Variants in AGMO observed in about 807,000 individuals in gnomAD.
The protein encoded by AGMO is alkylglycerol monooxygenase.
A neutral mutation model predicts 60.2 loss-of-function variants in AGMO; 75 were observed. That is an observed-to-expected ratio of 1.25 (90% CI 1.03 to 1.51). AGMO has a LOEUF of 1.51. Among genes scored for constraint, AGMO ranks in the 40% most tolerant of loss-of-function variants. The pLI is 0.00. For synonymous variants in AGMO, 261 were observed against 177.1 expected, an observed-to-expected ratio of 1.47 and a Z score of -3.76; for missense variants, 763 against 525.5, an observed-to-expected ratio of 1.45 and a Z score of -4.42.
chr7:15,152,553 C>T, the AGMO span, among the ~76,000 whole-genome samples: 1 of 152,076 alleles, frequency 6.6e-6, no homozygotes, highest in Admixed American at 6.6e-5. Context: ...GTCTTTTCAT[C>T]CTCATAGCTT....
chr7:15,226,648 T>C (rs1432490534), intron 12 of AGMO, among the ~76,000 whole-genome samples: 1 of 152,074 alleles, frequency 6.6e-6, no homozygotes, highest in Non-Finnish European at 1.5e-5. Context: ...ACCTTTATTA[T>C]TAACCCTGAA....
intron 12 of AGMO, among the ~76,000 whole-genome samples, chr7:15,262,052 A>G (rs1465433210): frequency 1.3e-5 from 2 of 152,074 alleles, no homozygotes; most frequent in Non-Finnish European, 2.9e-5. Flanking sequence ...TGAATGGAGA[A>G]AAGTTGAAAG....
chr7:15,480,543 T>C (rs1782721799), intron 3 of AGMO, among the ~76,000 whole-genome samples: 1 of 152,122 alleles, frequency 6.6e-6, no homozygotes. Context: ...ATATTTAGGG[T>C]GAGGGTTTTG....
At chr7:15,330,112 A>T (rs973323007) in intron 12 of AGMO, among the ~76,000 whole-genome samples, 4 of 152,108 alleles carry the variant, frequency 2.6e-5, no homozygotes, top group Non-Finnish European at 5.9e-5. Flanking sequence ...GATTTCTTAA[A>T]AGTTTTTGAG....
the AGMO span, among the ~76,000 whole-genome samples, chr7:15,181,010 C>G: frequency 6.6e-6 from 1 of 152,070 alleles, no homozygotes; most frequent in African/African-American, 2.4e-5. Context: ...TGTAAAGCCC[C>G]TCTCCTGTGA....
chr7:15,373,775 G>T (rs1211975033), intron 10 of AGMO, among the ~76,000 whole-genome samples: 1 of 152,146 alleles, frequency 6.6e-6, no homozygotes, highest in Non-Finnish European at 1.5e-5. Flanking sequence ...TAAGGCTTTA[G>T]AAATGAAAAT....
chr7:15,363,109 T>C (rs1782827925), intron 12 of AGMO, among the ~76,000 whole-genome samples: 1 of 152,210 alleles, frequency 6.6e-6, no homozygotes, highest in Non-Finnish European at 1.5e-5. Context: ...AAGAGCTCAA[T>C]GCATGTTAGC....
chr7:15,251,426 G>A (rs1461554763), intron 12 of AGMO, among the ~76,000 whole-genome samples: 2 of 152,190 alleles, frequency 1.3e-5, no homozygotes, highest in Non-Finnish European at 2.9e-5. Context: ...AAGCCAAAGA[G>A]GGGAGAGTAA....
intron 12 of AGMO, among the ~76,000 whole-genome samples, chr7:15,352,482 GGAA>G (rs1177853924): frequency 6.7e-6 from 1 of 150,312 alleles, no homozygotes; most frequent in East Asian, 1.9e-4. Flanking sequence ...AGGGTGCAAA[GGAA>G]GAATAATGAG....
the AGMO span, among the ~76,000 whole-genome samples, chr7:15,142,004 T>C: frequency 6.6e-6 from 1 of 152,160 alleles, no homozygotes; most frequent in Non-Finnish European, 1.5e-5. Flanking sequence ...AGGCTTAACC[T>C]TTTGCTAATT....
chr7:15,370,828 A>G (rs1783179477), intron 10 of AGMO, among the ~76,000 whole-genome samples: 1 of 151,558 alleles, frequency 6.6e-6, no homozygotes, highest in African/African-American at 2.4e-5. Context: ...ATTTTCTCCC[A>G]TTCTGTAGAC....
intron 12 of AGMO, among the ~76,000 whole-genome samples, chr7:15,344,915 T>G (rs759868464): frequency 6.6e-6 from 1 of 152,184 alleles, no homozygotes; most frequent in Non-Finnish European, 1.5e-5. Flanking sequence ...CTGTGGAGAC[T>G]GTTGTTTTCT....
chr7:15,320,219 A>G (rs1781066754), intron 12 of AGMO, among the ~76,000 whole-genome samples: 1 of 152,124 alleles, frequency 6.6e-6, no homozygotes, highest in East Asian at 1.9e-4. Flanking sequence ...TATGTAACAA[A>G]CCTGCACGTT....
the AGMO span, among the ~76,000 whole-genome samples, chr7:15,151,279 T>C: frequency 6.6e-6 from 1 of 152,164 alleles, no homozygotes; most frequent in East Asian, 1.9e-4. Context: ...AACAAACTTT[T>C]CGTTTCAGTG....
intron 12 of AGMO, among the ~76,000 whole-genome samples, chr7:15,351,395 G>A (rs1425348557): frequency 2.0e-5 from 3 of 152,108 alleles, no homozygotes; most frequent in African/African-American, 7.2e-5. Context: ...AGTTCAGGAA[G>A]CTAAACCCCT....
intron 12 of AGMO, among the ~76,000 whole-genome samples, chr7:15,217,593 T>A (rs1422143150): frequency 6.6e-6 from 1 of 151,958 alleles, no homozygotes; most frequent in Non-Finnish European, 1.5e-5. Flanking sequence ...TAAACATACA[T>A]CAAATAGAAA....
intron 6 of AGMO, among the ~76,000 whole-genome samples, chr7:15,391,520 A>G (rs1458408610): frequency 6.6e-6 from 1 of 152,180 alleles, no homozygotes; most frequent in Non-Finnish European, 1.5e-5. Flanking sequence ...ACTTAAGTAG[A>G]CATAATGATA....
intron 3 of AGMO, among the ~76,000 whole-genome samples, chr7:15,506,474 C>T (rs1783515141): frequency 6.6e-6 from 1 of 152,004 alleles, no homozygotes; most frequent in Non-Finnish European, 1.5e-5. Context: ...CATACATCGG[C>T]ATTATTCCTG....
At chr7:15,408,712 G>A (rs1784766072) in intron 5 of AGMO, among the ~76,000 whole-genome samples, 1 of 151,918 alleles carries the variant, frequency 6.6e-6, no homozygotes, top group Non-Finnish European at 1.5e-5. Flanking sequence ...TTGAATCATG[G>A]TTCTGCTACT....
Sources: allele counts gnomAD v4.1 joint callset (sites outside exome capture counted in the v4.1 genomes callset), GRCh38; gene constraint gnomAD v4.1.1; transcripts MANE v1.5; gene names NCBI Gene and HGNC (gene_info 2026-07-23, HGNC 2026-07-21).